The following FGGY variants were observed in gnomAD, a reference collection of about 807,000 sequenced individuals.
The protein encoded by FGGY is FGGY carbohydrate kinase domain-containing protein.
FGGY carries 72 observed loss-of-function variants against 71.3 expected under a neutral mutation model. The ratio of observed to expected loss-of-function variants is 1.01; its 90% CI spans 0.84 to 1.23. The LOEUF is 1.23. Ranked by LOEUF, FGGY falls within the 50% of genes most tolerant of loss-of-function variation. The pLI is 0.00. For missense variants in FGGY, 668 were observed against 682.3 expected (o/e 0.98, Z 0.23); for synonymous variants, 251 against 250.3 (o/e 1.00, Z -0.02).
chr1:59,731,843 G>A (rs1224691044), intron 14 of FGGY, among the ~76,000 whole-genome samples: 2 of 152,158 alleles, frequency 1.3e-5, no homozygotes, highest in Non-Finnish European at 2.9e-5. Flanking sequence ...CTGATCCCCT[G>A]CTCCGAATCC....
chr1:59,326,678 G>A (rs2047485534), intron 2 of FGGY, among the ~76,000 whole-genome samples: 1 of 151,912 alleles, frequency 6.6e-6, no homozygotes, highest in South Asian at 2.1e-4. Flanking sequence ...CCTAACTGAT[G>A]TCTTGATATT....
intron 7 of FGGY, among the ~76,000 whole-genome samples, chr1:59,537,866 A>G (rs2095359576): frequency 6.6e-6 from 1 of 152,222 alleles, no homozygotes; most frequent in Admixed American, 6.5e-5. Flanking sequence ...TTAAAGACTT[A>G]AACGTTAGAC....
At chr1:59,699,160 C>G in intron 14 of FGGY, 1 of 985,250 alleles carries the variant, frequency 1.0e-6, no homozygotes, top group Non-Finnish European at 1.2e-6. Flanking sequence ...CTTTTAGTAT[C>G]GTGAGCTTCA....
intron 8 of FGGY, among the ~76,000 whole-genome samples, chr1:59,574,868 G>C (rs949664679): frequency 1.3e-5 from 2 of 152,056 alleles, no homozygotes; most frequent in Non-Finnish European, 2.9e-5. Flanking sequence ...CATCAAATTT[G>C]CTTCCAAATG....
At chr1:59,674,280 G>T (rs2097413561) in intron 14 of FGGY, 147 bp downstream of exon 14, 1 of 549,584 alleles carries the variant, frequency 1.8e-6, no homozygotes, top group African/African-American at 1.9e-5. Context: ...AACACTTCTA[G>T]CCTCAGACAT....
At chr1:59,321,498 C>T (rs749416654) in intron 1 of FGGY, 38 bp from the exon 2 acceptor site, 6 of 1,574,290 alleles carry the variant, frequency 3.8e-6, no homozygotes, top group South Asian at 1.1e-5. Context: ...TGCAGATCCA[C>T]TTGGTCTTCA....
At chr1:59,350,029 G>A (rs1431123671) in intron 4 of FGGY, among the ~76,000 whole-genome samples, 2 of 152,130 alleles carry the variant, frequency 1.3e-5, no homozygotes, top group Non-Finnish European at 2.9e-5. Context: ...TCAGGGAATG[G>A]TACCTTTGTT....
intron 11 of FGGY, among the ~76,000 whole-genome samples, chr1:59,658,185 G>A (rs12084537): frequency 0.031 from 4,764 of 152,100 alleles, 248 homozygotes; most frequent in African/African-American, 0.11. Context: ...CCTACATTCT[G>A]GTGTCCATTC....
chr1:59,627,598 G>A (rs535451166), intron 10 of FGGY, among the ~76,000 whole-genome samples: 91 of 151,442 alleles, frequency 6.0e-4, no homozygotes, highest in African/African-American at 2.2e-3. Context: ...TGCTGAGATG[G>A]CTTGGAAGCA....
intron 8 of FGGY, among the ~76,000 whole-genome samples, chr1:59,592,303 G>A (rs963481178): frequency 9.9e-5 from 15 of 152,106 alleles, no homozygotes; most frequent in Non-Finnish European, 1.9e-4. Flanking sequence ...TGGAGAGGAT[G>A]TGGAGAAATA....
Position 59,346,248 on chromosome 1 carries a change from G to T in FGGY, c.315G>T (p.Gly105=). The change falls in exon 4 of 16, where the codon GGG becomes GGT. Residue 105 remains glycine (G), a splice_region_variant and synonymous_variant. Coordinates refer to ENST00000303721, the MANE Select transcript of FGGY (RefSeq NM_018291.5). ...GCATCTCCCTCTCGTTTCTGCTAGG[G>T]GATTCCCATCGAAACGTCATCATGT... ...QFHPLPVNQE[G]DSHRNVIMWL... is the part of the protein sequence containing the mutation. The T allele has an allele frequency of 1.2e-6, 2 of 1,612,808 alleles. No individual in the cohort carries two copies. Among genetic ancestry groups the T allele is most frequent in the Non-Finnish European group, 1.7e-6 (2 of 1,179,604 alleles).
rs140289244 is a variant in FGGY at position 59,365,442 on chromosome 1, G to A, written c.466-13307G>A. 5.0e-3 allele frequency among the ~76,000 whole-genome samples: 755 copies of A among 152,228 alleles called. 4 individuals are homozygous for A. The highest frequency in any genetic ancestry group is 0.017 in the African/African-American group (710 of 41,516). On this transcript the variant is annotated intron_variant, in intron 4 of 15. Coordinates refer to ENST00000303721, the MANE Select transcript of FGGY (RefSeq NM_018291.5). ...TTTCCAAAGCCTTCTCTTCCTATTA[G>A]GACTGTCTCCCTCTCTCCCATAGAT...
intron 5 of FGGY, among the ~76,000 whole-genome samples, chr1:59,386,942 A>G (rs1466583810): frequency 6.6e-6 from 1 of 152,134 alleles, no homozygotes; most frequent in African/African-American, 2.4e-5. Flanking sequence ...ATTATAATGT[A>G]TAATTCTGTA....
At chr1:59,671,042 A>G (rs982469604) in intron 13 of FGGY, among the ~76,000 whole-genome samples, 15 of 152,230 alleles carry the variant, frequency 9.9e-5, no homozygotes, top group South Asian at 4.1e-4. Flanking sequence ...TCTTTCATTT[A>G]TTCACTCAAA....
intron 14 of FGGY, among the ~76,000 whole-genome samples, chr1:59,729,421 G>A (rs2097995750): frequency 6.6e-6 from 1 of 152,096 alleles, no homozygotes; most frequent in South Asian, 2.1e-4. Context: ...CTTTTAGCAT[G>A]CCTTTTAATA....
intron 12 of FGGY, 85 bp downstream of exon 12, chr1:59,660,378 C>A (rs1254758323): frequency 3.3e-6 from 3 of 922,300 alleles, no homozygotes; most frequent in Non-Finnish European, 3.3e-6. Context: ...ACAGCACATG[C>A]TTTTGTGACA....
chr1:59,433,372 A>G (rs2067776605), intron 5 of FGGY, among the ~76,000 whole-genome samples: 1 of 152,198 alleles, frequency 6.6e-6, no homozygotes, highest in East Asian at 1.9e-4. Flanking sequence ...TCATATCCGA[A>G]AAGGGCATTT....
Position 59,424,359 on chromosome 1 carries a change from C to G in FGGY, c.555-32602C>G, listed in dbSNP as rs187751573. Reference sequence around the variant, plus strand: ...GTCAAGAGATTGAAACTGTCCTGCTCAACATGGTGAAACCCCGTCTCTATT... The same window carrying G: ...GTCAAGAGATTGAAACTGTCCTGCTGAACATGGTGAAACCCCGTCTCTATT... On this transcript the variant is annotated intron_variant, in intron 5 of 15. Transcript: ENST00000303721. Among the ~76,000 whole-genome samples, 66 of 152,272 alleles carry G rather than the reference C, an allele frequency of 4.3e-4. No homozygotes were observed. In the East Asian group the frequency reaches 9.1e-3, roughly 21 times the overall value.
At chr1:59,418,645 G>C (rs1557861238) in intron 5 of FGGY, among the ~76,000 whole-genome samples, 1 of 152,150 alleles carries the variant, frequency 6.6e-6, no homozygotes, top group South Asian at 2.1e-4. Flanking sequence ...TTTTACGTAA[G>C]ATAAAGGAAG....
Sources: allele counts gnomAD v4.1 joint callset (sites outside exome capture counted in the v4.1 genomes callset), GRCh38; gene constraint gnomAD v4.1.1; transcripts MANE v1.5; gene names NCBI Gene and HGNC (gene_info 2026-07-23, HGNC 2026-07-21).